Variants in USP6 observed in about 807,000 individuals in gnomAD.
The protein encoded by USP6 is ubiquitin carboxyl-terminal hydrolase 6.
USP6 carries 128 observed loss-of-function variants against 175.7 expected under a neutral mutation model. That is an observed-to-expected ratio of 0.73 (90% CI 0.63 to 0.84). The LOEUF (loss-of-function observed/expected upper bound fraction) is 0.84. Among genes scored for constraint, USP6 ranks in the 40% least tolerant of loss-of-function variants. The probability of loss-of-function intolerance (pLI) is 0.00; values close to 1 mark genes in which losing one functional copy is unlikely to be tolerated. For synonymous variants in USP6, 562 were observed against 630.6 expected (o/e 0.89, Z 1.63); for missense variants, 1,498 against 1,760.3 (o/e 0.85, Z 2.67).
At position 5,139,562 on chromosome 17, in the gene USP6, T is replaced by TA; in HGVS notation, c.1387dup (p.Ile463AsnfsTer10). 6.2e-7 allele frequency: 1 copy of TA among 1,613,790 alleles called. No homozygotes were observed. The highest frequency in any genetic ancestry group is 8.5e-7 in the Non-Finnish European group (1 of 1,180,022). On this transcript the variant is annotated frameshift_variant, in exon 22 of 38. Coordinates refer to ENST00000574788, the MANE Select transcript of USP6 (RefSeq NM_001304284.2). LOFTEE classifies it high-confidence loss of function. ...TGCCCCGGCTCCCAACGGACCTGGA[T>TA]ATAGGGGGCCCTTGGTTCCCCCATT...
chr17:5,132,999 TGGAG>T lies in USP6; in HGVS notation c.276+14_276+17del, dbSNP rs1311205668. ...ATAAGCACAGTAGCAAAGTAATGTG[TGGAG>T]GGAGAGGCCCCTGGAAGCACTCTCT... On this transcript the variant is annotated intron_variant, in intron 13 of 37. Coordinates refer to ENST00000574788, the MANE Select transcript of USP6 (RefSeq NM_001304284.2). The surrounding 1 kb of genome is among the most constrained non-coding windows in gnomAD (Gnocchi z 4.7). The T allele has an allele frequency of 6.2e-7, 1 of 1,613,546 alleles. No homozygotes were observed. Among genetic ancestry groups the T allele is most frequent in the Admixed American group, 1.7e-5 (1 of 59,982 alleles).
At chr17:5,151,408 C>G (rs538602988) in intron 30 of USP6, among the ~76,000 whole-genome samples, 1 of 150,288 alleles carries the variant, frequency 6.7e-6, no homozygotes, top group Non-Finnish European at 1.5e-5. Context: ...AATGCACAAT[C>G]CCAATAAAAA....
rs2072546710 is a variant in USP6, at chr17:5,116,688, C to T, written c.-1980C>T. ...AGACCCAAGACTGTACCGCCAAGACCGCTTTCGAGTCGGGCCGACCGGAAT... is the reference window on the plus strand; with the variant it reads ...AGACCCAAGACTGTACCGCCAAGACTGCTTTCGAGTCGGGCCGACCGGAAT... On this transcript the variant is annotated 5_prime_UTR_variant, in exon 1 of 38. Coordinates refer to ENST00000574788, the MANE Select transcript of USP6 (RefSeq NM_001304284.2). The T allele has an allele frequency of 6.6e-6, 1 of 152,238 alleles. No individual in the cohort carries two copies. Among genetic ancestry groups the T allele is most frequent in the Non-Finnish European group, 1.5e-5 (1 of 68,054 alleles). The allele number at this position is 152,238 out of a possible 1,614,324, so 9.4% of individuals were successfully genotyped here.
rs71151843 is a variant in USP6 at position 5,158,614 on chromosome 17, G to GGA, written c.2829-2857_2829-2856dup. 6.6e-3 allele frequency among the ~76,000 whole-genome samples: 175 copies of GGA among 26,336 alleles called. 13 individuals are homozygous for GGA. The highest frequency in any genetic ancestry group is 0.02 in the East Asian group (19 of 928). 17.3% of individuals were successfully genotyped at this position (26,336 alleles called of 152,430 possible). A position where few individuals can be genotyped will look rare whatever the true frequency, so the allele number is the denominator to read the frequency against. On this transcript the variant is annotated intron_variant, in intron 31 of 37. Transcript: ENST00000574788. The stretch of plus-strand genomic sequence containing the variant: ...GAGAGAGAGAGAGAGAGGGAGAGGG[G>GGA]GAGAGAGAGAGAGAGAGAGAGAGAG...
Position 5,139,631 on chromosome 17 carries a change from G to A in USP6, c.1455G>A (p.Glu485=). ...GCTGGGTCCGTGCCATATCCCAGGAGGACCAGCTGGCCACCTGCTGGCAGG... is the reference window on the plus strand; with the variant it reads ...GCTGGGTCCGTGCCATATCCCAGGAAGACCAGCTGGCCACCTGCTGGCAGG... ...WSCWVRAISQ[E]DQLATCWQAE... The change falls in exon 22 of 38, where the codon GAG becomes GAA. Residue 485 remains glutamate (E), a synonymous_variant. Transcript: ENST00000574788. 6.2e-7 allele frequency: 1 copy of A among 1,612,782 alleles called. No individual in the cohort carries two copies. Among genetic ancestry groups the A allele is most frequent in the Non-Finnish European group, 8.5e-7 (1 of 1,180,032 alleles).
intron 31 of USP6, among the ~76,000 whole-genome samples, chr17:5,158,878 G>A (rs1206138961): frequency 3.3e-5 from 5 of 152,100 alleles, no homozygotes; most frequent in Non-Finnish European, 7.3e-5. Flanking sequence ...AAGACAGAAC[G>A]GTCCTTTGGA....
In USP6 at chr17:5,116,409, G is replaced by C. The variant is rs1597944217; in HGVS notation, c.-2259G>C. ...TGTTTTCCTAGACAAGCCGCTGGGG[G>C]AGAGGGGAAACACTTCTGGCCCATG... On this transcript the variant is annotated 5_prime_UTR_variant, in exon 1 of 38. Coordinates refer to ENST00000574788, the MANE Select transcript of USP6 (RefSeq NM_001304284.2). The C allele has an allele frequency of 6.9e-6, 1 of 144,216 alleles. No individual in the cohort carries two copies. The highest frequency in any genetic ancestry group is 1.6e-5 in the Non-Finnish European group (1 of 62,698). The allele number at this position is 144,216 out of a possible 1,614,324, so 8.9% of individuals were successfully genotyped here.
chr17:5,140,193 T>C (rs1598028269), intron 22 of USP6, among the ~76,000 whole-genome samples: 1 of 152,146 alleles, frequency 6.6e-6, no homozygotes, highest in South Asian at 2.1e-4. Context: ...TACAGAAATA[T>C]TGTAAAGGCA....
chr17:5,171,103 C>T (rs961809616), intron 36 of USP6, among the ~76,000 whole-genome samples, 188 bp downstream of exon 36: 1 of 152,154 alleles, frequency 6.6e-6, no homozygotes, highest in Non-Finnish European at 1.5e-5. Context: ...AATCCCAGCA[C>T]TTTAGAAGGC....
intron 34 of USP6, among the ~76,000 whole-genome samples, chr17:5,168,515 A>G (rs1387600225): frequency 6.6e-6 from 1 of 152,224 alleles, no homozygotes; most frequent in East Asian, 1.9e-4. Context: ...CGGGGGCAAT[A>G]CCCACTGCAC....
chr17:5,166,415 A>C (rs2074097475), intron 33 of USP6, among the ~76,000 whole-genome samples: 1 of 151,902 alleles, frequency 6.6e-6, no homozygotes, highest in African/African-American at 2.4e-5. Context: ...TCGCCTGAAA[A>C]CCCATGCTAA....
chr17:5,165,991 G>A (rs1045722564), intron 33 of USP6, among the ~76,000 whole-genome samples: 3 of 152,194 alleles, frequency 2.0e-5, no homozygotes, highest in Non-Finnish European at 4.4e-5. Context: ...TCTCATTTGT[G>A]GTTGGCCATA....
intron 32 of USP6, 75 bp from the exon 33 acceptor site, chr17:5,162,809 G>C (rs950650516): frequency 5.1e-6 from 8 of 1,554,988 alleles, no homozygotes; most frequent in Non-Finnish European, 6.9e-6. Context: ...TAGGAAGGGA[G>C]AATATTTTTT....
intron 14 of USP6, 97 bp from the exon 15 acceptor site, chr17:5,133,790 C>T (rs2073158899): frequency 2.2e-6 from 3 of 1,366,908 alleles, no homozygotes; most frequent in Admixed American, 3.4e-5. Context: ...TTCTTTCCTT[C>T]CTTCCCGAAG....
At chr17:5,171,774 ATATT>A (rs2074223709) in intron 37 of USP6, 95 bp downstream of exon 37, 1 of 1,311,916 alleles carries the variant, frequency 7.6e-7, no homozygotes, top group Admixed American at 2.1e-5. Context: ...TAGGAAATAG[ATATT>A]TCTGTTAGAA....
intron 30 of USP6, among the ~76,000 whole-genome samples, chr17:5,149,406 AAAAAAC>A (rs1004536153): frequency 8.5e-4 from 129 of 152,268 alleles, no homozygotes; most frequent in East Asian, 1.2e-3. Context: ...TCATCTCAAA[AAAAAAC>A]AAAAACAAAA....
chr17:5,166,346 A>G (rs535236551), intron 33 of USP6, among the ~76,000 whole-genome samples: 3 of 152,322 alleles, frequency 2.0e-5, no homozygotes, highest in East Asian at 1.9e-4. Flanking sequence ...ATCAAACCCA[A>G]CCTTGCTAGT....
At position 5,135,234 on chromosome 17, in the gene USP6, G is replaced by T; in HGVS notation, c.495G>T (p.Lys165Asn). ...ATAGCCCCCTTTCTGTGTTTCCTAG[G>T]CAGAGGGAACTATTCTACATCCTCC... ...HVFFRDRYGA[K>N]QRELFYILLA... The change falls in exon 16 of 38, where the codon AAG (lysine) becomes AAT (asparagine). Residue 165 changes from lysine (K) to asparagine (N), a missense_variant and splice_region_variant. By Grantham distance (94) the Lys-to-Asn change is moderately conservative (BLOSUM62 0). This residue lies in a region of USP6 where 281 missense variants were observed against 259.6 expected (regional missense o/e 1.08). Transcript: ENST00000574788. 1 of 1,612,718 alleles carries T rather than the reference G, an allele frequency of 6.2e-7. No individual in the cohort carries two copies. Among genetic ancestry groups the T allele is most frequent in the Non-Finnish European group, 8.5e-7 (1 of 1,179,030 alleles).
At chr17:5,118,029 A>G (rs1374928682) in intron 1 of USP6, among the ~76,000 whole-genome samples, 171 bp from the exon 2 acceptor site, 4 of 150,660 alleles carry the variant, frequency 2.7e-5, no homozygotes, top group Non-Finnish European at 5.9e-5. Context: ...AGATCATGCC[A>G]CTGCACTCTA....
Sources: allele counts gnomAD v4.1 joint callset (sites outside exome capture counted in the v4.1 genomes callset), GRCh38; gene constraint gnomAD v4.1.1; regional missense constraint gnomAD v4.1.1; non-coding constraint Gnocchi (gnomAD v3.1); transcripts MANE v1.5; gene names NCBI Gene and HGNC (gene_info 2026-07-23, HGNC 2026-07-21).